Variants in SNX13 observed in about 807,000 individuals in gnomAD.
SNX13 encodes sorting nexin-13.
In SNX13, 45 loss-of-function variants were observed where a neutral mutation model predicts 133.6. The ratio of observed to expected loss-of-function variants is 0.34; its 90% confidence interval spans 0.27 to 0.43. The LOEUF is 0.43. Ranked by LOEUF, SNX13 falls within the 20% of genes least tolerant of loss-of-function variation. SNX13 has a pLI of 1.00. For missense variants in SNX13, 1,032 were observed against 1,145.1 expected, an observed-to-expected ratio of 0.90 and a Z score of 1.43; for synonymous variants, 414 against 373.9, an observed-to-expected ratio of 1.11 and a Z score of -1.24.
At chr7:17,924,340 C>T (rs796356224) in intron 1 of SNX13, among the ~76,000 whole-genome samples, 7 of 152,086 alleles carry the variant, frequency 4.6e-5, no homozygotes, top group Non-Finnish European at 1.0e-4. Context: ...AGACATTTCT[C>T]CAAAGAAGAT....
At chr7:17,910,187 T>C (rs920236700) in intron 1 of SNX13, among the ~76,000 whole-genome samples, 3 of 152,228 alleles carry the variant, frequency 2.0e-5, no homozygotes, top group African/African-American at 7.2e-5. Flanking sequence ...ATAAATAGAC[T>C]GATATTTAAT....
chr7:17,798,890 T>A (rs1279335988), intron 23 of SNX13, 119 bp downstream of exon 23: 12 of 1,268,488 alleles, frequency 9.5e-6, no homozygotes, highest in Non-Finnish European at 2.2e-6. Flanking sequence ...GCTTTAATGA[T>A]GTCCTTAAAA....
rs76305256 is a variant in SNX13 at position 17,864,284 on chromosome 7, T to C, written c.837+4123A>G. The stretch of plus-strand genomic sequence containing the variant: ...TGAGGAAGCTCAAAGAATTTCAAGA[T>C]AACAAAGAGAAGGAATTCAGAATTC... On this transcript the variant is annotated intron_variant, in intron 9 of 25. Transcript: ENST00000428135. Among the ~76,000 whole-genome samples the C allele has an allele frequency of 4.4e-3, 665 of 152,200 alleles. 2 individuals carry two copies. Among genetic ancestry groups the C allele is most frequent in the African/African-American group, 0.015 (633 of 41,526 alleles).
intron 9 of SNX13, among the ~76,000 whole-genome samples, chr7:17,858,993 T>C (rs1363152603): frequency 1.3e-5 from 2 of 151,964 alleles, no homozygotes; most frequent in Admixed American, 6.6e-5. Context: ...AAGTAAAAAT[T>C]ATAAAACTTA....
intron 23 of SNX13, 55 bp from the exon 24 acceptor site, chr7:17,798,813 AT>A (rs1784327270): frequency 7.3e-7 from 1 of 1,370,602 alleles, no homozygotes; most frequent in Non-Finnish European, 1.0e-6. Flanking sequence ...GGTGAAAAAA[AT>A]AAACGTGACT....
chr7:17,794,427 T>TA, intron 25 of SNX13, 135 bp from the exon 26 acceptor site: 52 of 1,099,338 alleles, frequency 4.7e-5, no homozygotes, highest in Non-Finnish European at 6.2e-5. Context: ...ATTTCAGCTA[T>TA]GTACTATAGC....
At chr7:17,816,424 G>A (rs1039536925) in intron 18 of SNX13, 135 bp from the exon 19 acceptor site, 1 of 1,050,568 alleles carries the variant, frequency 9.5e-7, no homozygotes, top group Non-Finnish European at 1.3e-6. Flanking sequence ...CACTTTGGGA[G>A]GCTGAGGCAG....
At chr7:17,912,100 T>A (rs1408426928) in intron 1 of SNX13, among the ~76,000 whole-genome samples, 1 of 152,186 alleles carries the variant, frequency 6.6e-6, no homozygotes, top group South Asian at 2.1e-4. Flanking sequence ...CAAGCTTTAA[T>A]TCAAGAAAGA....
chr7:17,874,575 A>G (rs1316460591), intron 7 of SNX13, among the ~76,000 whole-genome samples: 3 of 152,226 alleles, frequency 2.0e-5, no homozygotes, highest in Admixed American at 6.5e-5. Context: ...AGGCAAAAGA[A>G]GAAAGGAAGA....
Position 17,790,909 on chromosome 7 carries a change from C to T in SNX13, c.*3136G>A, listed in dbSNP as rs114586595. 2.9e-3 allele frequency: 441 copies of T among 152,122 alleles called. 1 individual carries two copies. Among genetic ancestry groups the T allele is most frequent in the African/African-American group, 0.01 (416 of 41,556 alleles). 9.4% of individuals were successfully genotyped at this position (152,122 alleles called of 1,614,324 possible). A position where few individuals can be genotyped will look rare whatever the true frequency, so the allele number is the denominator to read the frequency against. ...AGAAAGTATTGATAGAACAGTTAGG[C>T]ACACAGTTGACACTTACTGTACAAT... On this transcript the variant is annotated 3_prime_UTR_variant, in exon 26 of 26. Coordinates refer to ENST00000428135, the MANE Select transcript of SNX13 (RefSeq NM_015132.5).
At chr7:17,830,141 G>T in intron 15 of SNX13, 94 bp from the exon 16 acceptor site, 5 of 679,704 alleles carry the variant, frequency 7.4e-6, no homozygotes, top group Non-Finnish European at 9.3e-6. Flanking sequence ...AGTCACATAA[G>T]CCAAGATATA....
chr7:17,891,921 A>C (rs1398232706), intron 3 of SNX13, among the ~76,000 whole-genome samples: 3 of 152,124 alleles, frequency 2.0e-5, no homozygotes, highest in Admixed American at 6.5e-5. Context: ...ATGAAACTCT[A>C]CAACTATAAA....
At chr7:17,858,728 C>A (rs972188373) in intron 9 of SNX13, among the ~76,000 whole-genome samples, 16 of 151,958 alleles carry the variant, frequency 1.1e-4, no homozygotes, top group South Asian at 2.1e-4. Flanking sequence ...TACGATAAAG[C>A]TAAAGTAATC....
At chr7:17,809,201 C>T (rs2128293622) in intron 20 of SNX13, among the ~76,000 whole-genome samples, 2 of 139,284 alleles carry the variant, frequency 1.4e-5, no homozygotes, top group African/African-American at 5.4e-5. Flanking sequence ...GTGCTGTATT[C>T]AGGAGACCCA....
At chr7:17,809,463 C>T (rs1785742299) in intron 20 of SNX13, among the ~76,000 whole-genome samples, 1 of 151,712 alleles carries the variant, frequency 6.6e-6, no homozygotes, top group South Asian at 2.1e-4. Context: ...ACAGGAGCAC[C>T]CAGTTTCATA....
intron 1 of SNX13, among the ~76,000 whole-genome samples, chr7:17,937,533 A>G (rs1247528287): frequency 1.3e-5 from 2 of 150,702 alleles, no homozygotes; most frequent in East Asian, 1.9e-4. Flanking sequence ...AAAAAAAAAA[A>G]AGATATATTT....
intron 20 of SNX13, among the ~76,000 whole-genome samples, chr7:17,806,966 C>T (rs1341178599): frequency 6.6e-6 from 1 of 152,224 alleles, no homozygotes; most frequent in East Asian, 1.9e-4. Context: ...ACCCACAGAC[C>T]AGCAGATTTC....
At chr7:17,866,761 C>T (rs967594995) in intron 9 of SNX13, among the ~76,000 whole-genome samples, 2 of 152,088 alleles carry the variant, frequency 1.3e-5, no homozygotes, top group Admixed American at 1.3e-4. Flanking sequence ...AAAACACAGT[C>T]AGACAGAAAG....
chr7:17,821,819 T>G, intron 17 of SNX13, 171 bp from the exon 18 acceptor site: 1 of 669,508 alleles, frequency 1.5e-6, no homozygotes, highest in Non-Finnish European at 2.4e-6. Context: ...AAAGGATAGA[T>G]TCCCATCCTC....
Sources: gnomAD v4.1 joint callset for allele counts (sites outside exome capture counted in the v4.1 genomes callset) on GRCh38, gnomAD v4.1.1 for gene constraint, MANE v1.5 for transcripts, NCBI Gene and HGNC (gene_info 2026-07-23, HGNC 2026-07-21) for gene names.